The following HSDL2 variants were observed in gnomAD, a reference collection of about 807,000 sequenced individuals.
The protein encoded by HSDL2 is hydroxysteroid dehydrogenase like 2, also known as hydroxysteroid dehydrogenase-like protein 2.
A neutral mutation model predicts 46.3 loss-of-function variants in HSDL2; 27 were observed. The observed-to-expected ratio is 0.58, with a 90% confidence interval of 0.43 to 0.80. HSDL2 has a LOEUF of 0.80. Among genes scored for constraint, HSDL2 ranks in the 30% least tolerant of loss-of-function variants. The pLI is 0.00. For synonymous variants in HSDL2, 153 were observed against 163.6 expected (o/e 0.94, Z 0.50); for missense variants, 451 against 502.7 (o/e 0.90, Z 0.98).
At chr9:112,390,797 C>A (rs1831325439) in intron 1 of HSDL2, among the ~76,000 whole-genome samples, 1 of 152,034 alleles carries the variant, frequency 6.6e-6, no homozygotes, top group South Asian at 2.1e-4. Context: ...TTTTGAAATA[C>A]AAATTAATCC....
At chr9:112,393,355 A>G (rs1189106918) in intron 1 of HSDL2, among the ~76,000 whole-genome samples, 1 of 152,258 alleles carries the variant, frequency 6.6e-6, no homozygotes, top group African/African-American at 2.4e-5. Context: ...TTGTAGGAAT[A>G]TGGTGTGATA....
chr9:112,434,136 G>A (rs10759561), intron 6 of HSDL2: 146,400 of 152,306 alleles, frequency 0.96, 70,410 homozygotes, highest in African/African-American at 0.99. Context: ...GTGGGGAAGG[G>A]GAGAGGGATG....
chr9:112,405,717 T>C lies in HSDL2; in HGVS notation c.275T>C (p.Phe92Ser), dbSNP rs1831710822. ...SAAVEKAIKK[F>S]GGIDILVNNA... ...GCAGTGGAGAAAGCCATCAAGAAAT[T>C]TGGAGGTAATACCTTCATTCTGAAA... The change falls in exon 3 of 11, where the codon TTT becomes TCT. Residue 92 changes from phenylalanine (F) to serine (S), a missense_variant. Coordinates refer to ENST00000398805, the MANE Select transcript of HSDL2 (RefSeq NM_032303.5). 1 of 1,590,100 alleles carries C rather than the reference T, an allele frequency of 6.3e-7. No individual in the cohort carries two copies. The highest frequency in any genetic ancestry group is 8.6e-7 in the Non-Finnish European group (1 of 1,160,374).
chr9:112,416,482 C>T (rs115608427), intron 4 of HSDL2, among the ~76,000 whole-genome samples: 2,555 of 150,850 alleles, frequency 0.017, 84 homozygotes, highest in African/African-American at 0.058. Flanking sequence ...CAGTGGTTCA[C>T]ACCTGTAAAC....
chr9:112,445,606 C>G (rs1478492981), intron 8 of HSDL2, among the ~76,000 whole-genome samples: 1 of 152,028 alleles, frequency 6.6e-6, no homozygotes, highest in African/African-American at 2.4e-5. Flanking sequence ...CTCACTGCAA[C>G]CTCCACCGCC....
chr9:112,394,796 C>T (rs1408046485), intron 1 of HSDL2, among the ~76,000 whole-genome samples: 3 of 152,074 alleles, frequency 2.0e-5, no homozygotes, highest in African/African-American at 2.4e-5. Context: ...ATTTATAACC[C>T]ATAGTAACAT....
chr9:112,403,235 G>A (rs58870718), intron 1 of HSDL2, among the ~76,000 whole-genome samples: 4,582 of 152,190 alleles, frequency 0.03, 216 homozygotes, highest in East Asian at 0.19. Context: ...TCAACCCTCC[G>A]TTGTCAGCCT....
chr9:112,380,768 T>G (rs950237495), intron 1 of HSDL2, among the ~76,000 whole-genome samples: 2 of 152,174 alleles, frequency 1.3e-5, no homozygotes, highest in Non-Finnish European at 2.9e-5. Context: ...TTCATATCGT[T>G]GTGCAGTCAA....
At chr9:112,425,119 C>T (rs1047329799) in intron 6 of HSDL2, among the ~76,000 whole-genome samples, 1 of 151,898 alleles carries the variant, frequency 6.6e-6, no homozygotes, top group African/African-American at 2.4e-5. Flanking sequence ...GAATGCTTTT[C>T]ATCATAATAT....
At chr9:112,462,284 C>T (rs1304216583) in intron 10 of HSDL2, among the ~76,000 whole-genome samples, 2 of 152,024 alleles carry the variant, frequency 1.3e-5, no homozygotes, top group African/African-American at 2.4e-5. Context: ...GCCTACAGGG[C>T]AAAACCCTGT....
At chr9:112,410,389 C>G (rs151186302) in intron 4 of HSDL2, among the ~76,000 whole-genome samples, 207 of 152,338 alleles carry the variant, frequency 1.4e-3, no homozygotes, top group African/African-American at 4.6e-3. Context: ...AACACTCACC[C>G]CTCATGACTT....
At chr9:112,400,352 T>G (rs1229890666) in intron 1 of HSDL2, among the ~76,000 whole-genome samples, 1 of 152,220 alleles carries the variant, frequency 6.6e-6, no homozygotes, top group Non-Finnish European at 1.5e-5. Flanking sequence ...CTCACACCTG[T>G]AATCCCAACA....
chr9:112,426,515 C>T (rs1832250275), intron 6 of HSDL2, among the ~76,000 whole-genome samples: 1 of 152,152 alleles, frequency 6.6e-6, no homozygotes, highest in Non-Finnish European at 1.5e-5. Flanking sequence ...GGATTATAGG[C>T]ATGAGCCACT....
At chr9:112,422,477 T>C (rs1028620499) in intron 6 of HSDL2, among the ~76,000 whole-genome samples, 3 of 152,300 alleles carry the variant, frequency 2.0e-5, no homozygotes, top group Admixed American at 6.5e-5. Context: ...AAAATATACA[T>C]ATATATGTAT....
chr9:112,464,047 G>C (rs571794637), intron 10 of HSDL2, among the ~76,000 whole-genome samples: 1 of 151,528 alleles, frequency 6.6e-6, no homozygotes, highest in African/African-American at 2.4e-5. Flanking sequence ...TGGGTGAATT[G>C]TCTATTCAGT....
At chr9:112,430,808 T>C (rs1273006633) in intron 6 of HSDL2, among the ~76,000 whole-genome samples, 1 of 151,996 alleles carries the variant, frequency 6.6e-6, no homozygotes, top group East Asian at 1.9e-4. Context: ...TCCCAGCACT[T>C]TGGGGAGGCC....
chr9:112,410,657 C>T (rs572454152), intron 4 of HSDL2, among the ~76,000 whole-genome samples: 3 of 118,822 alleles, frequency 2.5e-5, no homozygotes, highest in East Asian at 2.5e-4. Flanking sequence ...CCAGGCATGG[C>T]GGCTCATGCT....
At position 112,454,406 on chromosome 9, in the gene HSDL2, C is replaced by T. The variant is rs141453800; in HGVS notation, c.1015+244C>T. On this transcript the variant is annotated intron_variant, in intron 9 of 10. Coordinates refer to ENST00000398805, the MANE Select transcript of HSDL2 (RefSeq NM_032303.5). ...GCAATGGCATGATCATGGCTCACTT[C>T]GGCCTTGACCTCCTGGACTCAAGTA... 6.5e-4 allele frequency among the ~76,000 whole-genome samples: 99 copies of T among 152,278 alleles called. 1 individual carries two copies. The highest frequency in any genetic ancestry group is 2.3e-3 in the African/African-American group (96 of 41,552).
At chr9:112,391,925 C>T (rs1302579368) in intron 1 of HSDL2, among the ~76,000 whole-genome samples, 5 of 151,396 alleles carry the variant, frequency 3.3e-5, no homozygotes, top group African/African-American at 1.2e-4. Flanking sequence ...TGGGCAAAAC[C>T]AATTAATAGG....
Sources: allele counts gnomAD v4.1 joint callset (sites outside exome capture counted in the v4.1 genomes callset), GRCh38; gene constraint gnomAD v4.1.1; transcripts MANE v1.5; gene names NCBI Gene and HGNC (gene_info 2026-07-23, HGNC 2026-07-21).